Variants in MSRA observed in about 807,000 individuals in gnomAD.
MSRA encodes the protein mitochondrial peptide methionine sulfoxide reductase.
A neutral mutation model predicts 31.3 loss-of-function variants in MSRA; 54 were observed. The observed-to-expected ratio is 1.73, with a 90% CI of 1.39 to 2.17. The LOEUF is 2.17. MSRA is among the 30% of genes most tolerant of loss of function. MSRA has a pLI of 0.00. For missense variants in MSRA, 507 were observed against 300.9 expected, an observed-to-expected ratio of 1.69 and a Z score of -5.07; for synonymous variants, 169 against 116.5, an observed-to-expected ratio of 1.45 and a Z score of -2.90.
chr8:10,418,829 A>AAAAG (rs1405086991), intron 5 of MSRA, among the ~76,000 whole-genome samples: 17 of 85,070 alleles, frequency 2.0e-4, no homozygotes, highest in Non-Finnish European at 6.6e-5. Flanking sequence ...AAAAAAAAAA[A>AAAAG]AAAAAAAAAC....
intron 3 of MSRA, among the ~76,000 whole-genome samples, chr8:10,284,054 T>C (rs190328924): frequency 9.3e-4 from 141 of 152,028 alleles, no homozygotes; most frequent in African/African-American, 3.2e-3. Context: ...AGTTCTACTT[T>C]TAGTTTGTTA....
intron 1 of MSRA, among the ~76,000 whole-genome samples, chr8:10,068,340 G>C (rs1183517731): frequency 6.6e-6 from 1 of 152,170 alleles, no homozygotes; most frequent in Non-Finnish European, 1.5e-5. Flanking sequence ...CCAGCTTGTG[G>C]ACCATTTCTT....
intron 1 of MSRA, among the ~76,000 whole-genome samples, chr8:10,078,101 T>G (rs1039375036): frequency 1.3e-5 from 2 of 152,208 alleles, no homozygotes; most frequent in African/African-American, 2.4e-5. Context: ...TAAAGCCAAA[T>G]TGGGAAAATT....
Position 10,169,219 on chromosome 8 carries a change from C to T in MSRA, c.143-38614C>T, listed in dbSNP as rs1805399333. Among the ~76,000 whole-genome samples, 3 of 152,154 alleles carry T rather than the reference C, an allele frequency of 2.0e-5. No homozygotes were observed. The South Asian group carries it at 6.2e-4, about 32-fold the overall frequency. On this transcript the variant is annotated intron_variant, in intron 1 of 5. Coordinates refer to ENST00000317173, the MANE Select transcript of MSRA (RefSeq NM_012331.5). ...TCACCCCTTCATTGGTCTAATGGGC[C>T]AGCTGAAGAATTTACACAATAGGAA... is the stretch of plus-strand genomic sequence containing the variant.
intron 1 of MSRA, among the ~76,000 whole-genome samples, chr8:10,091,329 T>G (rs1171167082): frequency 1.3e-5 from 2 of 152,230 alleles, no homozygotes; most frequent in Non-Finnish European, 2.9e-5. Flanking sequence ...ATGTATACAT[T>G]ATAGAATAGC....
chr8:10,094,849 G>T lies in MSRA; in HGVS notation c.142+40191G>T, dbSNP rs1434169306. ...AAGTGACTATGCTGGAACTTGAGGT[G>T]TCAAAATATGAAAAGATACTTGCTG... On this transcript the variant is annotated intron_variant, in intron 1 of 5. Transcript: ENST00000317173. 3.3e-5 allele frequency among the ~76,000 whole-genome samples: 5 copies of T among 152,210 alleles called. No homozygotes were observed. In the East Asian group the frequency reaches 9.6e-4, roughly 29 times the overall value.
intron 5 of MSRA, among the ~76,000 whole-genome samples, chr8:10,354,734 ATGTG>A (rs138610974): frequency 1.5e-5 from 2 of 134,848 alleles, no homozygotes; most frequent in African/African-American, 2.7e-5. Context: ...GTTATGTAAT[ATGTG>A]TGTGTGTGTG....
At chr8:10,402,201 G>T (rs891657957) in intron 5 of MSRA, among the ~76,000 whole-genome samples, 1 of 152,160 alleles carries the variant, frequency 6.6e-6, no homozygotes, top group Non-Finnish European at 1.5e-5. Flanking sequence ...GTCACCCAGG[G>T]ATTCATCCCC....
At chr8:10,063,589 G>A (rs372195878) in intron 1 of MSRA, among the ~76,000 whole-genome samples, 52 of 152,290 alleles carry the variant, frequency 3.4e-4, no homozygotes, top group African/African-American at 1.0e-3. Flanking sequence ...GGAGGTGGGG[G>A]CTTTGGGAGG....
chr8:10,421,323 A>C (rs936119830), intron 5 of MSRA, among the ~76,000 whole-genome samples: 1 of 152,138 alleles, frequency 6.6e-6, no homozygotes, highest in Admixed American at 6.5e-5. Flanking sequence ...ATTTTAGTCA[A>C]TGGAAGGTTC....
chr8:10,288,197 C>G (rs1800039238), intron 3 of MSRA, among the ~76,000 whole-genome samples: 1 of 152,144 alleles, frequency 6.6e-6, no homozygotes, highest in African/African-American at 2.4e-5. Context: ...TTATAGTCGC[C>G]CTAAGCGGCC....
At chr8:10,426,176 A>G (rs1407302970) in intron 5 of MSRA, among the ~76,000 whole-genome samples, 2 of 152,202 alleles carry the variant, frequency 1.3e-5, no homozygotes, top group East Asian at 3.9e-4. Context: ...CCTGTTAGTT[A>G]GCCAACCCCA....
chr8:10,189,864 C>T (rs992083576), intron 1 of MSRA, among the ~76,000 whole-genome samples: 8 of 152,240 alleles, frequency 5.3e-5, no homozygotes, highest in African/African-American at 1.9e-4. Context: ...TTCCCCCTTC[C>T]TCTTTTTTCA....
At chr8:10,062,541 C>T (rs1381020157) in intron 1 of MSRA, among the ~76,000 whole-genome samples, 1 of 152,148 alleles carries the variant, frequency 6.6e-6, no homozygotes, top group Admixed American at 6.5e-5. Flanking sequence ...TAGCATATAA[C>T]CTGTTGAGTT....
At chr8:10,127,704 A>C (rs1463100360) in intron 1 of MSRA, among the ~76,000 whole-genome samples, 1 of 152,216 alleles carries the variant, frequency 6.6e-6, no homozygotes, top group African/African-American at 2.4e-5. Context: ...GAATTGGGTT[A>C]CCTTAGCTAA....
At chr8:10,323,370 G>A (rs1802167012) in intron 5 of MSRA, among the ~76,000 whole-genome samples, 3 of 149,474 alleles carry the variant, frequency 2.0e-5, no homozygotes, top group Middle Eastern at 6.8e-3. Context: ...GGTACCAAGA[G>A]TAATACCAAG....
chr8:10,315,696 AG>A (rs1801672401), intron 4 of MSRA, among the ~76,000 whole-genome samples: 1 of 152,242 alleles, frequency 6.6e-6, no homozygotes, highest in Non-Finnish European at 1.5e-5. Context: ...AATCTCATAT[AG>A]TGGGGCACTT....
chr8:10,402,764 T>C (rs1241954967), intron 5 of MSRA, among the ~76,000 whole-genome samples: 4 of 152,200 alleles, frequency 2.6e-5, no homozygotes, highest in Non-Finnish European at 5.9e-5. Flanking sequence ...CAGTGATACT[T>C]TTGCATAGTA....
At chr8:10,295,516 C>T (rs541522788) in intron 3 of MSRA, among the ~76,000 whole-genome samples, 8 of 152,208 alleles carry the variant, frequency 5.3e-5, no homozygotes, top group Admixed American at 3.3e-4. Flanking sequence ...TGGGACCCCA[C>T]GCAGGCCGAG....
Sources: allele counts gnomAD v4.1 joint callset (sites outside exome capture counted in the v4.1 genomes callset), GRCh38; gene constraint gnomAD v4.1.1; transcripts MANE v1.5; gene names NCBI Gene and HGNC (gene_info 2026-07-23, HGNC 2026-07-21).